Variants in TRAPPC9 observed in about 807,000 individuals in gnomAD.
TRAPPC9 encodes the protein IKK2 binding protein.
Under a neutral mutation model 124.0 loss-of-function variants are expected in TRAPPC9, and 83 were observed. The ratio of observed to expected loss-of-function variants is 0.67; its 90% CI spans 0.56 to 0.80. The LOEUF is 0.80. Among genes scored for constraint, TRAPPC9 ranks in the 30% least tolerant of loss-of-function variants. The probability of loss-of-function intolerance (pLI) is 0.00; values close to 1 mark genes in which losing one functional copy is unlikely to be tolerated. For synonymous variants in TRAPPC9, 638 were observed against 617.5 expected, an observed-to-expected ratio of 1.03 and a Z score of -0.49; for missense variants, 1,302 against 1,508.3, an observed-to-expected ratio of 0.86 and a Z score of 2.27.
At chr8:140,046,338 C>T (rs1056731251) in intron 17 of TRAPPC9, among the ~76,000 whole-genome samples, 1 of 152,256 alleles carries the variant, frequency 6.6e-6, no homozygotes, top group African/African-American at 2.4e-5. Context: ...AGGCAAGGAG[C>T]CCAGTGTGGC....
rs201743005 is a variant in TRAPPC9, at chr8:140,072,342, C to T, written c.2557-48263G>A. 2.6e-5 allele frequency among the ~76,000 whole-genome samples: 4 copies of T among 152,250 alleles called. No homozygotes were observed. In the East Asian group the frequency reaches 7.7e-4, roughly 29 times the overall value. On this transcript the variant is annotated intron_variant, in intron 17 of 22. Transcript: ENST00000438773. ...AGTCAGGAGTTCAAGACCATCCTGG[C>T]TAACACGGTGAAACCCTGTCTCTAC...
At chr8:140,038,862 A>T (rs1841080836) in intron 17 of TRAPPC9, among the ~76,000 whole-genome samples, 1 of 152,220 alleles carries the variant, frequency 6.6e-6, no homozygotes, top group African/African-American at 2.4e-5. Flanking sequence ...GATGCAAGCC[A>T]CAGCCTCAGA....
At chr8:139,827,619 G>A (rs558013040) in intron 21 of TRAPPC9, among the ~76,000 whole-genome samples, 18 of 152,346 alleles carry the variant, frequency 1.2e-4, no homozygotes, top group African/African-American at 4.1e-4. Context: ...AATAAGGACT[G>A]CGTGCCCGCA....
At chr8:140,032,463 T>C (rs1840557247) in intron 17 of TRAPPC9, among the ~76,000 whole-genome samples, 1 of 149,754 alleles carries the variant, frequency 6.7e-6, no homozygotes, top group Non-Finnish European at 1.5e-5. Flanking sequence ...AAATTACACA[T>C]GCTGTCCACC....
intron 9 of TRAPPC9, among the ~76,000 whole-genome samples, chr8:140,321,956 GAAC>G (rs1269432749): frequency 6.6e-6 from 1 of 152,164 alleles, no homozygotes; most frequent in Non-Finnish European, 1.5e-5. Flanking sequence ...GTAGACAAGA[GAAC>G]AACCGAGATT....
rs1008397834 is a variant in TRAPPC9 at position 139,964,224 on chromosome 8, C to CAAAAA, written c.2810+24497_2810+24501dup. Among the ~76,000 whole-genome samples, 36 of 67,650 alleles carry CAAAAA rather than the reference C, an allele frequency of 5.3e-4. 2 individuals carry two copies. The highest frequency in any genetic ancestry group is 1.5e-3 in the African/African-American group (27 of 18,476). 44.4% of individuals were successfully genotyped at this position (67,650 alleles called of 152,430 possible). On this transcript the variant is annotated intron_variant, in intron 19 of 22. Transcript: ENST00000438773. ...TGGGCGACAGAGCAAGACTCTGTCT[C>CAAAAA]AAAAAAAAAAAAAAAAAAAAAGCGG...
chr8:139,810,484 C>T (rs557507317), intron 21 of TRAPPC9, among the ~76,000 whole-genome samples: 1 of 152,294 alleles, frequency 6.6e-6, no homozygotes, highest in East Asian at 1.9e-4. Context: ...GGAGTGTTTA[C>T]ATCTCAGAAA....
chr8:140,429,148 C>G (rs1192157056), intron 4 of TRAPPC9, among the ~76,000 whole-genome samples: 1 of 150,372 alleles, frequency 6.7e-6, no homozygotes, highest in East Asian at 2.0e-4. Context: ...GTGGCACAAT[C>G]CTGGCTCACT....
chr8:140,261,380 A>T (rs1407430764), intron 15 of TRAPPC9, among the ~76,000 whole-genome samples: 1 of 152,162 alleles, frequency 6.6e-6, no homozygotes, highest in African/African-American at 2.4e-5. Flanking sequence ...GTAGGAAGAA[A>T]TGGTATCGGG....
At chr8:140,456,957 G>T (rs2071689928) in intron 1 of TRAPPC9, 1 of 334,006 alleles carries the variant, frequency 3.0e-6, no homozygotes. Flanking sequence ...CTGACAGGGA[G>T]AAGACCACAG....
In TRAPPC9 at chr8:140,079,969, A is replaced by G. The variant is rs146476098; in HGVS notation, c.2557-55890T>C. Among the ~76,000 whole-genome samples the G allele has an allele frequency of 5.9e-3, 903 of 152,004 alleles. 10 individuals carry two copies. Among genetic ancestry groups the G allele is most frequent in the African/African-American group, 0.02 (827 of 41,458 alleles). On this transcript the variant is annotated intron_variant, in intron 17 of 22. Transcript: ENST00000438773. ...AATGATAATAATAAAAATGAAGAAG[A>G]AGGAGGAGGAGGAGGAGGGGAAGAA...
At chr8:140,425,281 A>G (rs1280484858) in intron 5 of TRAPPC9, among the ~76,000 whole-genome samples, 2 of 152,204 alleles carry the variant, frequency 1.3e-5, no homozygotes, top group African/African-American at 4.8e-5. Flanking sequence ...TCGCTCTCCC[A>G]TTGGTAAAGA....
intron 19 of TRAPPC9, among the ~76,000 whole-genome samples, chr8:139,959,448 G>A (rs113962656): frequency 9.9e-5 from 15 of 152,192 alleles, no homozygotes; most frequent in African/African-American, 3.1e-4. Context: ...GAGGCTCAGA[G>A]AGGGAATGAG....
chr8:140,169,337 C>T (rs148838116), intron 17 of TRAPPC9, among the ~76,000 whole-genome samples: 1 of 152,022 alleles, frequency 6.6e-6, no homozygotes, highest in Admixed American at 6.6e-5. Flanking sequence ...GCATGACTGG[C>T]GGAAATGGAA....
intron 17 of TRAPPC9, chr8:140,100,170 G>C (rs2060549763): frequency 1.4e-5 from 2 of 147,762 alleles, no homozygotes; most frequent in Non-Finnish European, 3.0e-5. Context: ...CCGCAGCCTA[G>C]AGCAGGGAAC....
chr8:140,456,095 C>A (rs917562486), intron 1 of TRAPPC9, among the ~76,000 whole-genome samples: 1 of 152,052 alleles, frequency 6.6e-6, no homozygotes, highest in Non-Finnish European at 1.5e-5. Flanking sequence ...ACAATGGTAA[C>A]ACAAGTGTGA....
chr8:139,810,920 C>T (rs1000863469), intron 21 of TRAPPC9, among the ~76,000 whole-genome samples: 3 of 152,210 alleles, frequency 2.0e-5, no homozygotes, highest in Non-Finnish European at 2.9e-5. Flanking sequence ...GTCAGCCATC[C>T]TGCCCAAGCA....
chr8:139,993,960 C>A (rs1027765282), intron 18 of TRAPPC9, among the ~76,000 whole-genome samples: 2 of 152,004 alleles, frequency 1.3e-5, no homozygotes, highest in African/African-American at 4.8e-5. Context: ...AACATAAAAG[C>A]AAATATAATA....
intron 20 of TRAPPC9, chr8:139,908,716 G>A (rs1415027019): frequency 6.6e-6 from 1 of 152,328 alleles, no homozygotes; most frequent in East Asian, 1.9e-4. Flanking sequence ...TAAATGGGGT[G>A]ATGGGTGCAC....
Sources: allele counts gnomAD v4.1 joint callset (sites outside exome capture counted in the v4.1 genomes callset), GRCh38; gene constraint gnomAD v4.1.1; transcripts MANE v1.5; gene names NCBI Gene and HGNC (gene_info 2026-07-23, HGNC 2026-07-21).